Variants in IKBKE observed in about 807,000 individuals in gnomAD.
IKBKE encodes the protein inhibitor of nuclear factor kappa B kinase subunit epsilon.
In IKBKE, 45 loss-of-function variants were observed where a neutral mutation model predicts 92.1. The observed-to-expected ratio is 0.49, with a 90% CI of 0.38 to 0.63. IKBKE has a LOEUF of 0.63. Ranked by LOEUF, IKBKE falls within the 20% of genes least tolerant of loss-of-function variation. The probability of loss-of-function intolerance (pLI) is 0.00; values close to 1 mark genes in which losing one functional copy is unlikely to be tolerated. For synonymous variants in IKBKE, 374 were observed against 380.3 expected, an observed-to-expected ratio of 0.98 and a Z score of 0.19; for missense variants, 700 against 932.8, an observed-to-expected ratio of 0.75 and a Z score of 3.25.
Position 206,479,858 on chromosome 1 carries a change from C to T in IKBKE, c.1184-12C>T. The T allele has an allele frequency of 6.2e-7, 1 of 1,613,640 alleles. No individual in the cohort carries two copies. Among genetic ancestry groups the T allele is most frequent in the Non-Finnish European group, 8.5e-7 (1 of 1,179,876 alleles). On this transcript the variant is annotated splice_polypyrimidine_tract_variant and intron_variant, in intron 10 of 21. Coordinates refer to ENST00000581977, the MANE Select transcript of IKBKE (RefSeq NM_014002.4). ...TACAGGCAGGCCCCTCAGACAGGGT[C>T]TTTGTCTGCAGCTGCTCTGGACGTC...
Position 206,491,681 on chromosome 1 carries a change from G to A in IKBKE, c.1767G>A (p.Leu589=), listed in dbSNP as rs1665958299. ...TCAGTCATTTAGCCAAAAGACTCCT[G>A]CAGGTGTTCCAGGAGGAGTGCGTGC... ...VNFSHLAKRL[L]QVFQEECVQK... is the part of the protein sequence containing the mutation. The change falls in exon 18 of 22, where the codon CTG becomes CTA. Residue 589 remains leucine (L), a synonymous_variant. Transcript: ENST00000581977. 6.2e-7 allele frequency: 1 copy of A among 1,613,422 alleles called. No homozygotes were observed. Among genetic ancestry groups the A allele is most frequent in the Admixed American group, 1.7e-5 (1 of 59,986 alleles).
chr1:206,489,410 C>T (rs560350459), intron 16 of IKBKE, among the ~76,000 whole-genome samples: 1 of 146,016 alleles, frequency 6.8e-6, no homozygotes, highest in Admixed American at 6.8e-5. Flanking sequence ...TACACACACA[C>T]ACATACATGG....
At chr1:206,494,635 ACTCT>A in intron 21 of IKBKE, among the ~76,000 whole-genome samples, 1 of 111,222 alleles carries the variant, frequency 9.0e-6, no homozygotes, top group Non-Finnish European at 1.7e-5. Flanking sequence ...ACGGAGTCTC[ACTCT>A]GTCACCCAGG....
chr1:206,489,493 A>G (rs1162799675), intron 16 of IKBKE, among the ~76,000 whole-genome samples: 1 of 151,158 alleles, frequency 6.6e-6, no homozygotes. Flanking sequence ...ACTTGGGCCC[A>G]GGAGTTCAAG....
rs568431775 is a variant in IKBKE, at chr1:206,481,603, G to A, written c.1427+1070G>A. ...AGCAGAGCTCTGTCCAGGGCACAGAGGGGGCTCCAGGGGTAGATGTGGCAT... is the reference window on the plus strand; with the variant it reads ...AGCAGAGCTCTGTCCAGGGCACAGAAGGGGCTCCAGGGGTAGATGTGGCAT... On this transcript the variant is annotated intron_variant, in intron 13 of 21. Coordinates refer to ENST00000581977, the MANE Select transcript of IKBKE (RefSeq NM_014002.4). Among the ~76,000 whole-genome samples the A allele has an allele frequency of 1.4e-4, 21 of 152,188 alleles. No individual in the cohort carries two copies. The South Asian group carries it at 3.5e-3, about 26-fold the overall frequency.
Position 206,490,222 on chromosome 1 carries a change from T to A in IKBKE, c.1694-597T>A, listed in dbSNP as rs2103481161. Among the ~76,000 whole-genome samples, 1 of 152,284 alleles carries A rather than the reference T, an allele frequency of 6.6e-6. No individual in the cohort carries two copies. The highest frequency in any genetic ancestry group is 1.9e-4 in the East Asian group (1 of 5,176). ...CGCCATCATCATTTCATCTTGGGGC[T>A]GCCGCCACCCTGGAGGCCCATTCCT... On this transcript the variant is annotated intron_variant, in intron 16 of 21. Coordinates refer to ENST00000581977, the MANE Select transcript of IKBKE (RefSeq NM_014002.4). This position sits in a 1 kb window ranked among gnomAD's most constrained non-coding sequence, Gnocchi z 5.2.
Position 206,478,889 on chromosome 1 carries a change from T to C in IKBKE, c.993-54T>C, listed in dbSNP as rs549661107. 1.3e-5 allele frequency: 19 copies of C among 1,409,750 alleles called. 1 individual carries two copies. The South Asian group carries it at 2.2e-4, about 16-fold the overall frequency. The allele number at this position is 1,409,750 out of a possible 1,614,324, so 87.3% of individuals were successfully genotyped here. On this transcript the variant is annotated intron_variant, in intron 9 of 21. Transcript: ENST00000581977. This position sits in a 1 kb window ranked among gnomAD's most constrained non-coding sequence, Gnocchi z 4.8. ...TGGGGCTTAGGTCACCCTAGCCCCC[T>C]GCCTTGCCTACTGACACCCCCTGCC...
Position 206,485,163 on chromosome 1 carries a change from C to T in IKBKE, c.1504-31C>T, listed in dbSNP as rs1198915703. ...TGCCCACCAGTGCCCAGGCTGAAGA[C>T]CCCACGGGGGTCTGCCTTTGTGCCC... On this transcript the variant is annotated intron_variant, in intron 14 of 21. Coordinates refer to ENST00000581977, the MANE Select transcript of IKBKE (RefSeq NM_014002.4). This position sits in a 1 kb window ranked among gnomAD's most constrained non-coding sequence, Gnocchi z 5.0. 1 of 1,589,830 alleles carries T rather than the reference C, an allele frequency of 6.3e-7. No individual in the cohort carries two copies. Among genetic ancestry groups the T allele is most frequent in the African/African-American group, 1.3e-5 (1 of 74,554 alleles).
intron 10 of IKBKE, 118 bp from the exon 11 acceptor site, chr1:206,479,752 T>C: frequency 9.2e-7 from 1 of 1,084,582 alleles, no homozygotes; most frequent in South Asian, 1.4e-5. Flanking sequence ...TCAGGGTGAG[T>C]TGTGAAGCCT....
intron 21 of IKBKE, 69 bp from the exon 22 acceptor site, chr1:206,496,042 TG>T (rs2103489691): frequency 1.7e-6 from 2 of 1,196,908 alleles, no homozygotes; most frequent in Non-Finnish European, 2.5e-6. Flanking sequence ...CTAATTGTGC[TG>T]GGCCCTGGAG....
At chr1:206,489,396 T>G in intron 16 of IKBKE, among the ~76,000 whole-genome samples, 1 of 124,126 alleles carries the variant, frequency 8.1e-6, no homozygotes, top group African/African-American at 2.9e-5. Flanking sequence ...TATATATATA[T>G]ATATACACAC....
chr1:206,471,919 C>T (rs1553383918), intron 2 of IKBKE, among the ~76,000 whole-genome samples: 1 of 152,194 alleles, frequency 6.6e-6, no homozygotes, highest in South Asian at 2.1e-4. Context: ...TGTTAGAACA[C>T]GAAGATGCCT....
At position 206,473,252 on chromosome 1, in the gene IKBKE, T is replaced by C; in HGVS notation, c.25T>C (p.Trp9Arg). MQSTANYLWHTDDLLGQGA... is the reference protein window; with the variant it reads MQSTANYLRHTDDLLGQGA... ...GATGCAGAGCACAGCCAATTACCTGTGGCACACAGATGACCTGCTGGGGCA... is the reference window on the plus strand; with the variant it reads ...GATGCAGAGCACAGCCAATTACCTGCGGCACACAGATGACCTGCTGGGGCA... Residue 9 changes from tryptophan (W) to arginine (R), a missense_variant, in exon 3 of 22, where the codon TGG (tryptophan) becomes CGG (arginine). Coordinates refer to ENST00000581977, the MANE Select transcript of IKBKE (RefSeq NM_014002.4). The C allele has an allele frequency of 6.2e-7, 1 of 1,613,166 alleles. No homozygotes were observed. Among genetic ancestry groups the C allele is most frequent in the Non-Finnish European group, 8.5e-7 (1 of 1,179,664 alleles).
At chr1:206,495,169 GTC>G in intron 21 of IKBKE, among the ~76,000 whole-genome samples, 1 of 152,152 alleles carries the variant, frequency 6.6e-6, no homozygotes, top group East Asian at 1.9e-4. Flanking sequence ...TCATCCTCGT[GTC>G]TGTCATTTTC....
In IKBKE at chr1:206,490,011, A is replaced by T. The variant is rs1665866333; in HGVS notation, c.1694-808A>T. On this transcript the variant is annotated intron_variant, in intron 16 of 21. Transcript: ENST00000581977. This position sits in a 1 kb window ranked among gnomAD's most constrained non-coding sequence, Gnocchi z 5.2. ...ACGGGACTCCCAAGTGGCACCTGTG[A>T]TGGATAAGGAGACAGGCTCAGCGAA... 6.6e-6 allele frequency among the ~76,000 whole-genome samples: 1 copy of T among 152,176 alleles called. No homozygotes were observed. The highest frequency in any genetic ancestry group is 1.5e-5 in the Non-Finnish European group (1 of 68,016).
At chr1:206,481,929 G>A (rs111694285) in intron 13 of IKBKE, among the ~76,000 whole-genome samples, 21 of 151,610 alleles carry the variant, frequency 1.4e-4, no homozygotes, top group South Asian at 2.1e-4. Flanking sequence ...ACAGGTGCCC[G>A]CCACTACGCC....
At chr1:206,480,581 C>G in intron 13 of IKBKE, 48 bp downstream of exon 13, 1 of 1,331,226 alleles carries the variant, frequency 7.5e-7, no homozygotes, top group South Asian at 1.2e-5. Context: ...CCTGCCTTGT[C>G]TGCTCCTCAC....
intron 20 of IKBKE, 31 bp downstream of exon 20, chr1:206,493,409 C>A: frequency 6.6e-7 from 1 of 1,511,254 alleles, no homozygotes; most frequent in Non-Finnish European, 9.2e-7. Context: ...GGTTGTGTAT[C>A]TGTGTGGAAG....
chr1:206,476,672 C>T lies in IKBKE; in HGVS notation c.541-6C>T, dbSNP rs782563945. On this transcript the variant is annotated splice_polypyrimidine_tract_variant and splice_region_variant and intron_variant, in intron 6 of 21. Transcript: ENST00000581977. The surrounding 1 kb of genome is among the most constrained non-coding windows in gnomAD (Gnocchi z 5.1). Reference sequence around the variant, plus strand: ...TCCATGGCCTCATTCTGGTTCTCTCCGGCAGCATCCCGACATGTATGAGCG... The same window carrying T: ...TCCATGGCCTCATTCTGGTTCTCTCTGGCAGCATCCCGACATGTATGAGCG... 5.6e-6 allele frequency: 9 copies of T among 1,614,004 alleles called. No homozygotes were observed. The highest frequency in any genetic ancestry group is 1.3e-5 in the African/African-American group (1 of 74,948).
Sources: gnomAD v4.1 joint callset for allele counts (sites outside exome capture counted in the v4.1 genomes callset) on GRCh38, gnomAD v4.1.1 for gene constraint, Gnocchi (gnomAD v3.1) non-coding constraint, MANE v1.5 for transcripts, NCBI Gene and HGNC (gene_info 2026-07-23, HGNC 2026-07-21) for gene names.